Variants in PTPRZ1 observed in about 807,000 individuals in gnomAD.
PTPRZ1 encodes the protein protein tyrosine phosphatase receptor type Z1.
Under a neutral mutation model 214.1 loss-of-function variants are expected in PTPRZ1, and 82 were observed. The observed-to-expected ratio is 0.38, with a 90% CI of 0.32 to 0.46. The LOEUF is 0.46. Among genes scored for constraint, PTPRZ1 ranks in the 20% least tolerant of loss-of-function variants. The probability of loss-of-function intolerance (pLI) is 1.00; values close to 1 mark genes in which losing one functional copy is unlikely to be tolerated. For synonymous variants in PTPRZ1, 945 were observed against 987.9 expected (o/e 0.96, Z 0.81); for missense variants, 2,603 against 2,748.7 (o/e 0.95, Z 1.19).
chr7:121,968,253 A>C, intron 3 of PTPRZ1, 123 bp downstream of exon 3: 1 of 782,722 alleles, frequency 1.3e-6, no homozygotes, highest in Non-Finnish European at 1.9e-6. Context: ...TACATGTAGA[A>C]GAAACCAAAT....
chr7:121,929,396 G>A (rs971620196), intron 2 of PTPRZ1, among the ~76,000 whole-genome samples: 5 of 150,688 alleles, frequency 3.3e-5, no homozygotes, highest in Non-Finnish European at 7.4e-5. Flanking sequence ...CCTTATTTTT[G>A]TATATTTAAG....
chr7:121,984,082 C>T lies in PTPRZ1; in HGVS notation c.893C>T (p.Ser298Phe). 6.2e-7 allele frequency: 1 copy of T among 1,613,356 alleles called. No homozygotes were observed. Among genetic ancestry groups the T allele is most frequent in the Non-Finnish European group, 8.5e-7 (1 of 1,179,622 alleles). Residue 298 changes from serine to phenylalanine, a missense_variant, in exon 8 of 30, where the codon TCC (serine) becomes TTC (phenylalanine). Around this residue, in one of 6 missense-constraint regions of PTPRZ1, gnomAD observed 244 missense variants for 333.2 expected, o/e 0.73. Coordinates refer to ENST00000393386, the MANE Select transcript of PTPRZ1 (RefSeq NM_002851.3). Reference sequence around the variant, plus strand: ...TACAAGTTCTCTAGACAGGTGTTTTCCTCATACACTGGAAAGGAAGAGATT... The same window carrying T: ...TACAAGTTCTCTAGACAGGTGTTTTTCTCATACACTGGAAAGGAAGAGATT... Reference protein sequence around the residue: ...QQYKFSRQVFSSYTGKEEIHE... With the variant: ...QQYKFSRQVFFSYTGKEEIHE...
intron 3 of PTPRZ1, among the ~76,000 whole-genome samples, chr7:121,971,206 C>T (rs1797235612): frequency 6.6e-6 from 1 of 152,074 alleles, no homozygotes; most frequent in African/African-American, 2.4e-5. Flanking sequence ...GGAACCTCTG[C>T]TTTATTATAT....
Position 121,928,156 on chromosome 7 carries a change from A to G in PTPRZ1, c.59A>G (p.Asp20Gly), listed in dbSNP as rs1272091906. 3.1e-6 allele frequency: 5 copies of G among 1,610,036 alleles called. No individual in the cohort carries two copies. The highest frequency in any genetic ancestry group is 1.1e-5 in the South Asian group (1 of 90,678). ...CIQLLCVCRL[D>G]WANGYYRQQR... The stretch of plus-strand genomic sequence containing the variant: ...ATTACTTGGTTTTTCTTTTTTATAG[A>G]TTGGGCTAATGGATACTACAGACAA... The change falls in exon 2 of 30, where the codon GAT becomes GGT. Residue 20 changes from aspartate (D) to glycine (G), a missense_variant and splice_region_variant. Transcript: ENST00000393386.
At chr7:122,031,250 A>G (rs1371734419) in intron 14 of PTPRZ1, among the ~76,000 whole-genome samples, 1 of 152,070 alleles carries the variant, frequency 6.6e-6, no homozygotes, top group Non-Finnish European at 1.5e-5. Flanking sequence ...ATCTTTAGGT[A>G]TAGATGGAAA....
At chr7:122,016,718 TATCTC>T (rs1453188393) in intron 12 of PTPRZ1, among the ~76,000 whole-genome samples, 1 of 151,732 alleles carries the variant, frequency 6.6e-6, no homozygotes. Flanking sequence ...TGATAGGACA[TATCTC>T]ATATATATGT....
chr7:122,001,525 A>T (rs1022803585), intron 10 of PTPRZ1, among the ~76,000 whole-genome samples: 3 of 152,178 alleles, frequency 2.0e-5, no homozygotes, highest in Admixed American at 1.3e-4. Flanking sequence ...GTCACCATAC[A>T]TCTGTCCTCA....
intron 1 of PTPRZ1, among the ~76,000 whole-genome samples, chr7:121,891,451 CTTTTTTTTTTTT>C (rs58135453): frequency 2.0e-4 from 7 of 35,746 alleles, no homozygotes; most frequent in Non-Finnish European, 3.6e-4. Context: ...AAAACAACCT[CTTTTTTTTTTTT>C]TTTTTTTTTT....
intron 10 of PTPRZ1, among the ~76,000 whole-genome samples, chr7:122,002,046 G>A (rs1280916305): frequency 6.6e-6 from 1 of 152,144 alleles, no homozygotes; most frequent in African/African-American, 2.4e-5. Context: ...CAATATGAGA[G>A]CTTGTGCCCA....
At chr7:121,951,758 AG>A (rs1164719281) in intron 2 of PTPRZ1, among the ~76,000 whole-genome samples, 1 of 152,102 alleles carries the variant, frequency 6.6e-6, no homozygotes, top group African/African-American at 2.4e-5. Context: ...TTCACTTCTT[AG>A]TGCCTGCTTC....
intron 2 of PTPRZ1, among the ~76,000 whole-genome samples, chr7:121,965,102 C>T (rs1300081556): frequency 6.6e-6 from 1 of 152,152 alleles, no homozygotes; most frequent in Non-Finnish European, 1.5e-5. Context: ...AATTGGTTTT[C>T]TTTTGCTGCA....
intron 1 of PTPRZ1, among the ~76,000 whole-genome samples, chr7:121,881,705 T>TAAAA (rs1794244538): frequency 6.6e-6 from 1 of 152,200 alleles, no homozygotes; most frequent in Non-Finnish European, 1.5e-5. Context: ...CTATGGTGAT[T>TAAAA]GACCTCATAG....
At chr7:122,019,795 A>G (rs1443256934) in intron 13 of PTPRZ1, among the ~76,000 whole-genome samples, 2 of 152,206 alleles carry the variant, frequency 1.3e-5, no homozygotes, top group Non-Finnish European at 2.9e-5. Flanking sequence ...CATTTAAGAT[A>G]CATATAATTT....
intron 1 of PTPRZ1, among the ~76,000 whole-genome samples, chr7:121,892,697 T>TATATATA (rs1794675813): frequency 1.5e-5 from 1 of 65,338 alleles, no homozygotes; most frequent in Non-Finnish European, 3.1e-5. Flanking sequence ...TATATATATA[T>TATATATA]ATATATATAT....
chr7:121,951,948 T>G, intron 2 of PTPRZ1, among the ~76,000 whole-genome samples: 1 of 72,208 alleles, frequency 1.4e-5, no homozygotes, highest in South Asian at 6.5e-4. Flanking sequence ...TCCATGCGAG[T>G]GTATTTATTT....
At chr7:121,928,488 C>A (rs545435231) in intron 2 of PTPRZ1, among the ~76,000 whole-genome samples, 15 of 152,206 alleles carry the variant, frequency 9.9e-5, no homozygotes, top group African/African-American at 3.6e-4. Context: ...CAAGAAATAA[C>A]ATAACCTGGG....
At chr7:121,988,405 G>T (rs1482513398) in intron 8 of PTPRZ1, among the ~76,000 whole-genome samples, 1 of 152,154 alleles carries the variant, frequency 6.6e-6, no homozygotes, top group African/African-American at 2.4e-5. Flanking sequence ...CATCCATACA[G>T]TTACATATTC....
chr7:122,012,917 G>A lies in PTPRZ1; in HGVS notation c.3871G>A (p.Glu1291Lys), dbSNP rs779151848. ...QVVPSLYSND[E>K]LFQTANLEIN... is the part of the protein sequence containing the mutation. The stretch of plus-strand genomic sequence containing the variant: ...GGTACCTTCTTTGTACAGTAATGAT[G>A]AGTTGTTCCAAACGGCCAATTTGGA... Residue 1291 changes from glutamate (E) to lysine (K), a missense_variant, in exon 12 of 30, where the codon GAG becomes AAG. Transcript: ENST00000393386. The A allele has an allele frequency of 2.2e-5, 36 of 1,614,008 alleles. No homozygotes were observed. The highest frequency in any genetic ancestry group is 3.1e-5 in the Non-Finnish European group (36 of 1,180,020).
chr7:122,037,851 A>G (rs1172137620), intron 18 of PTPRZ1, among the ~76,000 whole-genome samples: 1 of 152,162 alleles, frequency 6.6e-6, no homozygotes, highest in African/African-American at 2.4e-5. Context: ...TTTTGCATAG[A>G]TGAAAGATTA....
Sources: gnomAD v4.1 joint callset for allele counts (sites outside exome capture counted in the v4.1 genomes callset) on GRCh38, gnomAD v4.1.1 for gene constraint, gnomAD v4.1.1 regional missense constraint, MANE v1.5 for transcripts, NCBI Gene and HGNC (gene_info 2026-07-23, HGNC 2026-07-21) for gene names.